Variants in PTPRA observed in about 807,000 individuals in gnomAD.
PTPRA encodes the protein receptor-type tyrosine-protein phosphatase alpha.
A neutral mutation model predicts 104.8 loss-of-function variants in PTPRA; 25 were observed. The ratio of observed to expected loss-of-function variants is 0.24; its 90% CI spans 0.17 to 0.33. The LOEUF (loss-of-function observed/expected upper bound fraction) is 0.33, where lower values mean the gene tolerates loss of function less well. Among genes scored for constraint, PTPRA ranks in the 10% least tolerant of loss-of-function variants. The pLI is 1.00. For missense variants in PTPRA, 765 were observed against 1,015.3 expected (o/e 0.75, Z 3.35); for synonymous variants, 323 against 368.9 (o/e 0.88, Z 1.43).
intron 1 of PTPRA, among the ~76,000 whole-genome samples, chr20:2,888,260 T>C (rs1234831909): frequency 6.6e-6 from 1 of 152,160 alleles, no homozygotes; most frequent in Non-Finnish European, 1.5e-5. Flanking sequence ...AAGACGTAAG[T>C]TTGAAAATGC....
chr20:2,874,108 G>A (rs1450789195), intron 1 of PTPRA, among the ~76,000 whole-genome samples: 1 of 152,186 alleles, frequency 6.6e-6, no homozygotes, highest in Non-Finnish European at 1.5e-5. Flanking sequence ...CATTTAATGG[G>A]AGGAAAGAGG....
At chr20:2,889,360 ACAGT>A (rs2058711676) in intron 1 of PTPRA, among the ~76,000 whole-genome samples, 1 of 152,224 alleles carries the variant, frequency 6.6e-6, no homozygotes, top group South Asian at 2.1e-4. Flanking sequence ...ATACATTTAC[ACAGT>A]CAGTCTGTCA....
At chr20:2,889,767 C>G (rs1464616524) in intron 1 of PTPRA, among the ~76,000 whole-genome samples, 1 of 152,124 alleles carries the variant, frequency 6.6e-6, no homozygotes, top group Non-Finnish European at 1.5e-5. Context: ...GGAAAGGGAA[C>G]TAAGGGGTCT....
chr20:2,891,568 T>C (rs1233415610), intron 1 of PTPRA, among the ~76,000 whole-genome samples: 1 of 152,204 alleles, frequency 6.6e-6, no homozygotes, highest in Non-Finnish European at 1.5e-5. Flanking sequence ...TCTGACCCAG[T>C]GTAGATTCTG....
chr20:2,898,452 G>T (rs2059105616), intron 1 of PTPRA, among the ~76,000 whole-genome samples: 1 of 151,782 alleles, frequency 6.6e-6, no homozygotes. Flanking sequence ...GACCTCAGGT[G>T]ATCCGCCCGC....
intron 13 of PTPRA, 86 bp from the exon 14 acceptor site, chr20:3,021,223 C>T: frequency 6.3e-7 from 1 of 1,575,762 alleles, no homozygotes; most frequent in African/African-American, 1.4e-5. Context: ...TTAATCTGGG[C>T]TTTGTGGGCT....
At chr20:3,003,413 G>T (rs997422569) in intron 9 of PTPRA, among the ~76,000 whole-genome samples, 2 of 152,138 alleles carry the variant, frequency 1.3e-5, no homozygotes, top group Admixed American at 6.5e-5. Context: ...TTTCCTAAGG[G>T]TATGTTCTCA....
chr20:3,013,585 A>G (rs1363319970), intron 11 of PTPRA, among the ~76,000 whole-genome samples: 2 of 151,928 alleles, frequency 1.3e-5, no homozygotes, highest in Non-Finnish European at 2.9e-5. Flanking sequence ...CTAATTTTGT[A>G]TTTTTAGTAG....
chr20:2,871,714 G>A (rs1249169375), upstream of PTPRA, among the ~76,000 whole-genome samples: 2 of 152,204 alleles, frequency 1.3e-5, no homozygotes, highest in East Asian at 3.9e-4. Flanking sequence ...TCCATTCGGT[G>A]TTGCGGGATA....
chr20:3,009,205 G>T (rs1181102603), intron 11 of PTPRA, among the ~76,000 whole-genome samples: 2 of 152,072 alleles, frequency 1.3e-5, no homozygotes, highest in South Asian at 4.1e-4. Flanking sequence ...CTGAGAAAAG[G>T]ATACCAAAGA....
At chr20:3,004,586 C>T (rs2063781306) in intron 9 of PTPRA, among the ~76,000 whole-genome samples, 1 of 151,572 alleles carries the variant, frequency 6.6e-6, no homozygotes, top group Admixed American at 6.6e-5. Flanking sequence ...TGCCATGCCC[C>T]CTTAGATCCC....
intron 20 of PTPRA, among the ~76,000 whole-genome samples, chr20:3,031,592 GTATC>G (rs953096822): frequency 6.6e-6 from 1 of 152,084 alleles, no homozygotes; most frequent in Non-Finnish European, 1.5e-5. Flanking sequence ...CATCTGCCCT[GTATC>G]TGCACTGCCC....
intron 11 of PTPRA, among the ~76,000 whole-genome samples, chr20:3,013,786 T>G (rs966738279): frequency 6.6e-6 from 1 of 152,122 alleles, no homozygotes; most frequent in East Asian, 1.9e-4. Flanking sequence ...CCACTGAGAT[T>G]CAGCTTTCAG....
At chr20:2,896,220 CA>C (rs1275091964) in intron 1 of PTPRA, among the ~76,000 whole-genome samples, 2 of 151,596 alleles carry the variant, frequency 1.3e-5, no homozygotes, top group African/African-American at 2.4e-5. Context: ...ACTAAAAATA[CA>C]AAAAAAATTT....
chr20:2,972,531 T>C (rs2062234958), intron 5 of PTPRA, among the ~76,000 whole-genome samples: 1 of 152,228 alleles, frequency 6.6e-6, no homozygotes, highest in Non-Finnish European at 1.5e-5. Flanking sequence ...TAACAAGCTG[T>C]TGCAGTCTAT....
At chr20:2,978,261 T>G (rs937866611) in intron 6 of PTPRA, among the ~76,000 whole-genome samples, 51 of 152,166 alleles carry the variant, frequency 3.4e-4, no homozygotes, top group African/African-American at 1.2e-3. Context: ...CAATAGAAAT[T>G]TAGGTTTCTG....
At position 3,022,853 on chromosome 20, in the gene PTPRA, G is replaced by C; in HGVS notation, c.1464+29G>C. The C allele has an allele frequency of 6.2e-7, 1 of 1,613,726 alleles. No individual in the cohort carries two copies. The highest frequency in any genetic ancestry group is 8.5e-7 in the Non-Finnish European group (1 of 1,179,806). ...AGTGATCTGTGGGTCAGGTGAGGGT[G>C]GGGGGTTCCAGGACTAAAACATCTG... On this transcript the variant is annotated intron_variant, in intron 16 of 23. Coordinates refer to ENST00000399903, the MANE Select transcript of PTPRA (RefSeq NM_001385305.1). The surrounding 1 kb of genome is among the most constrained non-coding windows in gnomAD (Gnocchi z 4.6).
At chr20:2,864,356 C>G in the PTPRA span, 30 of 1,614,038 alleles carry the variant, frequency 1.9e-5, no homozygotes, top group African/African-American at 2.7e-5. This position sits in a 1 kb window ranked among gnomAD's most constrained non-coding sequence, Gnocchi z 5.2. Flanking sequence ...CCACCTTACT[C>G]TCCTGCAGTG....
intron 1 of PTPRA, among the ~76,000 whole-genome samples, chr20:2,901,118 G>A (rs1373215457): frequency 1.3e-5 from 2 of 151,786 alleles, no homozygotes; most frequent in African/African-American, 4.8e-5. Flanking sequence ...TTACAGGCGC[G>A]CGACACCACA....
Sources: allele counts gnomAD v4.1 joint callset (sites outside exome capture counted in the v4.1 genomes callset), GRCh38; gene constraint gnomAD v4.1.1; non-coding constraint Gnocchi (gnomAD v3.1); transcripts MANE v1.5; gene names NCBI Gene and HGNC (gene_info 2026-07-23, HGNC 2026-07-21).